The following ENOX1 variants were observed in gnomAD, a reference collection of about 807,000 sequenced individuals.
ENOX1 encodes candidate growth-related and time keeping constitutive hydroquinone (NADH) oxidase.
ENOX1 carries 42 observed loss-of-function variants against 82.5 expected under a neutral mutation model. The ratio of observed to expected loss-of-function variants is 0.51; its 90% CI spans 0.40 to 0.66. ENOX1 has a LOEUF of 0.66. Ranked by LOEUF, ENOX1 falls within the 30% of genes least tolerant of loss-of-function variation. ENOX1 has a pLI of 0.00. For missense variants in ENOX1, 608 were observed against 811.6 expected, an observed-to-expected ratio of 0.75 and a Z score of 3.05; for synonymous variants, 271 against 282.2, an observed-to-expected ratio of 0.96 and a Z score of 0.40.
chr13:43,664,079 ATTTG>A (rs2084860628), intron 2 of ENOX1, among the ~76,000 whole-genome samples: 1 of 152,182 alleles, frequency 6.6e-6, no homozygotes, highest in African/African-American at 2.4e-5. Context: ...TTGAAGTATA[ATTTG>A]TTTAATTAAT....
rs1386668469 is a variant in ENOX1 at position 43,224,048 on chromosome 13, T to A, written c.1800+5A>T. Reference sequence around the variant, plus strand: ...ACGAAAGTTCACTCGAGCAAAATAATTTACCTTGGAGTCCAGCTGCTGCAT... The same window carrying A: ...ACGAAAGTTCACTCGAGCAAAATAAATTACCTTGGAGTCCAGCTGCTGCAT... On this transcript the variant is annotated splice_donor_5th_base_variant and intron_variant, in intron 16 of 16. Transcript: ENST00000690772. 1.9e-6 allele frequency: 3 copies of A among 1,612,100 alleles called. No homozygotes were observed. Among genetic ancestry groups the A allele is most frequent in the African/African-American group, 1.3e-5 (1 of 74,864 alleles).
chr13:43,553,526 G>T lies in ENOX1; in HGVS notation c.-218-69374C>A, dbSNP rs576002515. On this transcript the variant is annotated intron_variant, in intron 2 of 16. Coordinates refer to ENST00000690772, the MANE Select transcript of ENOX1 (RefSeq NM_001347969.2). ...GCCTTATCCCTTTTTGATGTCATTT[G>T]TACGATTCACTTTTGCTTTGGTTTC... 4.6e-5 allele frequency among the ~76,000 whole-genome samples: 7 copies of T among 152,208 alleles called. No homozygotes were observed. The East Asian group carries it at 1.4e-3, about 29-fold the overall frequency.
At chr13:43,360,145 C>T (rs2050405589) in intron 6 of ENOX1, 88 bp from the exon 7 acceptor site, 1 of 1,210,278 alleles carries the variant, frequency 8.3e-7, no homozygotes. Flanking sequence ...TGCAGAGTAA[C>T]TTTCTCCAGA....
intron 1 of ENOX1, among the ~76,000 whole-genome samples, chr13:43,699,729 T>C (rs2086816188): frequency 6.6e-6 from 1 of 152,212 alleles, no homozygotes; most frequent in African/African-American, 2.4e-5. Flanking sequence ...CAGAGAAGAA[T>C]AGTTACCAAA....
intron 14 of ENOX1, among the ~76,000 whole-genome samples, chr13:43,252,944 C>T (rs2043540413): frequency 6.6e-6 from 1 of 152,212 alleles, no homozygotes; most frequent in Non-Finnish European, 1.5e-5. Flanking sequence ...AGACACACTC[C>T]AGTTTGTTGT....
intron 1 of ENOX1, among the ~76,000 whole-genome samples, chr13:43,754,323 G>GTGTA (rs1950522913): frequency 1.4e-5 from 2 of 142,038 alleles, no homozygotes; most frequent in East Asian, 2.0e-4. Flanking sequence ...GTGTGTGTGT[G>GTGTA]TATATATATA....
chr13:43,327,426 C>A (rs905562186), intron 9 of ENOX1, among the ~76,000 whole-genome samples: 34 of 152,304 alleles, frequency 2.2e-4, no homozygotes, highest in African/African-American at 7.9e-4. Flanking sequence ...ACTACATAGA[C>A]AAAGGCATGG....
chr13:43,282,442 AT>A (rs1210876383), intron 12 of ENOX1, among the ~76,000 whole-genome samples: 2 of 147,774 alleles, frequency 1.4e-5, no homozygotes, highest in Non-Finnish European at 3.0e-5. Context: ...AAAGATTGGT[AT>A]TCTTTTTTCT....
chr13:43,610,702 T>G (rs1373278909), intron 2 of ENOX1, among the ~76,000 whole-genome samples: 1 of 151,568 alleles, frequency 6.6e-6, no homozygotes, highest in Non-Finnish European at 1.5e-5. Flanking sequence ...CAAAATAGAT[T>G]TCAAAGTTCT....
intron 12 of ENOX1, among the ~76,000 whole-genome samples, chr13:43,294,060 C>T (rs529182230): frequency 7.4e-4 from 112 of 152,132 alleles, no homozygotes; most frequent in Middle Eastern, 3.4e-3. Flanking sequence ...AGACAGTGGA[C>T]CAGGCCTGCA....
At chr13:43,402,052 T>A (rs1046128469) in intron 5 of ENOX1, among the ~76,000 whole-genome samples, 1 of 151,944 alleles carries the variant, frequency 6.6e-6, no homozygotes, top group Non-Finnish European at 1.5e-5. Context: ...AGACCTATCA[T>A]AAAGATAAAA....
At chr13:43,270,439 G>T (rs1273263430) in intron 12 of ENOX1, among the ~76,000 whole-genome samples, 3 of 152,148 alleles carry the variant, frequency 2.0e-5, no homozygotes, top group African/African-American at 7.2e-5. Context: ...CTGTACTAAT[G>T]ATCTGGAAAT....
At chr13:43,412,481 G>A (rs2054194070) in intron 4 of ENOX1, among the ~76,000 whole-genome samples, 1 of 152,184 alleles carries the variant, frequency 6.6e-6, no homozygotes. Context: ...TTGTCAAGCA[G>A]TAGAACTGGT....
intron 3 of ENOX1, among the ~76,000 whole-genome samples, chr13:43,445,213 T>C (rs1428530054): frequency 2.0e-5 from 3 of 148,322 alleles, no homozygotes; most frequent in Non-Finnish European, 4.5e-5. Flanking sequence ...AAGCTCCACC[T>C]CCTGGGTTCA....
At chr13:43,367,591 T>C (rs2050933122) in intron 5 of ENOX1, among the ~76,000 whole-genome samples, 1 of 152,132 alleles carries the variant, frequency 6.6e-6, no homozygotes, top group African/African-American at 2.4e-5. Flanking sequence ...CCCTGGATCC[T>C]TCAGTGAGAA....
chr13:43,346,916 C>A (rs79114428), intron 8 of ENOX1, among the ~76,000 whole-genome samples: 2 of 151,912 alleles, frequency 1.3e-5, no homozygotes, highest in African/African-American at 4.8e-5. Flanking sequence ...AAAGAGAACA[C>A]TGACTTCATG....
At chr13:43,630,359 TC>T (rs549310313) in intron 2 of ENOX1, among the ~76,000 whole-genome samples, 158 of 152,224 alleles carry the variant, frequency 1.0e-3, no homozygotes, top group African/African-American at 3.5e-3. Context: ...TGTATGGTAG[TC>T]CTTAAACCCT....
At chr13:43,781,135 A>T (rs545725071) in intron 1 of ENOX1, among the ~76,000 whole-genome samples, 2 of 152,236 alleles carry the variant, frequency 1.3e-5, no homozygotes, top group Non-Finnish European at 2.9e-5. Context: ...TCATTGGCTA[A>T]GTTGGCTATT....
chr13:43,494,436 G>GA (rs1445549375), intron 2 of ENOX1, among the ~76,000 whole-genome samples: 1 of 152,140 alleles, frequency 6.6e-6, no homozygotes, highest in East Asian at 1.9e-4. Flanking sequence ...TTAAACAAAT[G>GA]AGTCAAAACT....
Sources: gnomAD v4.1 joint callset for allele counts (sites outside exome capture counted in the v4.1 genomes callset) on GRCh38, gnomAD v4.1.1 for gene constraint, MANE v1.5 for transcripts, NCBI Gene and HGNC (gene_info 2026-07-23, HGNC 2026-07-21) for gene names.